BNC2: variants seen among roughly 807,000 people sequenced by gnomAD.
The protein encoded by BNC2 is basonuclin zinc finger protein 2, also known as zinc finger protein basonuclin-2.
In BNC2, 20 loss-of-function variants were observed where a neutral mutation model predicts 76.3. That is an observed-to-expected ratio of 0.26 (90% CI 0.18 to 0.38). The LOEUF (loss-of-function observed/expected upper bound fraction) is 0.38, where lower values mean the gene tolerates loss of function less well. Among genes scored for constraint, BNC2 ranks in the 10% least tolerant of loss-of-function variants. BNC2 has a pLI of 1.00. For synonymous variants in BNC2, 582 were observed against 514.8 expected (o/e 1.13, Z -1.77); for missense variants, 1,382 against 1,399.8 (o/e 0.99, Z 0.20).
At position 16,435,815 on chromosome 9, in the gene BNC2, C is replaced by T. The variant is rs1338919007; in HGVS notation, c.2379G>A (p.Leu793=). ...YDMFYMSQYG[L]YNGGGASMAA... ...CCATGCTGGCACCCCCACCATTGTA[C>T]AGTCCATACTGGCTCATGTAAAACA... The change falls in exon 6 of 7, where the codon CTG becomes CTA. Residue 793 remains leucine, a synonymous_variant. Transcript: ENST00000380672. 1.2e-6 allele frequency: 2 copies of T among 1,614,188 alleles called. No individual in the cohort carries two copies. The highest frequency in any genetic ancestry group is 2.2e-5 in the East Asian group (1 of 44,868).
intron 1 of BNC2, among the ~76,000 whole-genome samples, chr9:16,859,787 G>A (rs919835309): frequency 2.0e-5 from 3 of 152,188 alleles, no homozygotes; most frequent in Non-Finnish European, 2.9e-5. Flanking sequence ...TCTGCTGTAC[G>A]TTAAGTTACA....
intron 3 of BNC2, among the ~76,000 whole-genome samples, chr9:16,613,062 T>A (rs532076813): frequency 6.6e-6 from 1 of 152,146 alleles, no homozygotes. Context: ...ATATGAGTTA[T>A]AGCAAGGAGA....
chr9:16,526,822 A>G (rs1198550479), intron 5 of BNC2, among the ~76,000 whole-genome samples: 1 of 152,206 alleles, frequency 6.6e-6, no homozygotes, highest in Non-Finnish European at 1.5e-5. Context: ...AGCAAACAAC[A>G]CTATGTACCA....
chr9:16,489,064 G>C (rs1199023173), intron 5 of BNC2, among the ~76,000 whole-genome samples: 1 of 152,188 alleles, frequency 6.6e-6, no homozygotes, highest in African/African-American at 2.4e-5. Context: ...GTGATCCACA[G>C]TAGTAATTTT....
intron 5 of BNC2, among the ~76,000 whole-genome samples, chr9:16,550,586 T>G (rs186392244): frequency 9.2e-5 from 14 of 152,330 alleles, no homozygotes; most frequent in African/African-American, 3.4e-4. Flanking sequence ...ACCTGAGCTT[T>G]GTTAAAATGG....
intron 5 of BNC2, among the ~76,000 whole-genome samples, chr9:16,473,670 C>T (rs1448388078): frequency 4.6e-5 from 7 of 151,866 alleles, no homozygotes; most frequent in Non-Finnish European, 7.4e-5. Context: ...GTTAGGAGTT[C>T]GAGACCAGCC....
At chr9:16,429,843 A>AGG in intron 6 of BNC2, 1 of 456,626 alleles carries the variant, frequency 2.2e-6, no homozygotes, top group Non-Finnish European at 4.4e-6. Context: ...CTTGTAGTGG[A>AGG]GGAGTGAAAG....
At chr9:16,684,454 G>C (rs1822916937) in intron 3 of BNC2, among the ~76,000 whole-genome samples, 1 of 152,046 alleles carries the variant, frequency 6.6e-6, no homozygotes, top group African/African-American at 2.4e-5. Flanking sequence ...CCAAGAGCAG[G>C]TGTGCTAGAG....
At chr9:16,729,849 A>T (rs978753862) in intron 2 of BNC2, among the ~76,000 whole-genome samples, 2 of 152,016 alleles carry the variant, frequency 1.3e-5, no homozygotes, top group Admixed American at 1.3e-4. Context: ...TCAGCTCCTG[A>T]CCTTCCCACT....
chr9:16,803,653 C>T (rs981266915), intron 1 of BNC2, among the ~76,000 whole-genome samples: 15 of 152,258 alleles, frequency 9.9e-5, no homozygotes, highest in African/African-American at 3.6e-4. Context: ...CTGTTATGGG[C>T]TACTCAGCCG....
chr9:16,651,164 T>C lies in BNC2; in HGVS notation c.331-68079A>G, dbSNP rs1398957399. Among the ~76,000 whole-genome samples, 3 of 152,194 alleles carry C rather than the reference T, an allele frequency of 2.0e-5. No individual in the cohort carries two copies. In the East Asian group the frequency reaches 5.8e-4, roughly 29 times the overall value. The stretch of plus-strand genomic sequence containing the variant: ...CAGAAACAATGGTCATCTTAAGCTA[T>C]ACTTTCAAAAGAGACCGTTACGATG... On this transcript the variant is annotated intron_variant, in intron 3 of 6. Transcript: ENST00000380672.
intron 1 of BNC2, among the ~76,000 whole-genome samples, chr9:16,856,124 T>C (rs1260743688): frequency 6.6e-6 from 1 of 152,058 alleles, no homozygotes; most frequent in East Asian, 1.9e-4. Flanking sequence ...AAAATGAAAG[T>C]ACATTAATGG....
At chr9:16,486,728 AT>A (rs373023879) in intron 5 of BNC2, among the ~76,000 whole-genome samples, 2,628 of 148,060 alleles carry the variant, frequency 0.018, 74 homozygotes, top group African/African-American at 0.059. Flanking sequence ...TTCACAGACA[AT>A]TTTTTTTTTT....
intron 3 of BNC2, among the ~76,000 whole-genome samples, chr9:16,677,805 A>C (rs72704092): frequency 2.0e-5 from 3 of 152,070 alleles, no homozygotes; most frequent in African/African-American, 7.2e-5. Context: ...GGATAACTCA[A>C]TGAGTATTCT....
Position 16,653,941 on chromosome 9 carries a change from C to T in BNC2, c.331-70856G>A, listed in dbSNP as rs143437908. Among the ~76,000 whole-genome samples, 993 of 152,092 alleles carry T rather than the reference C, an allele frequency of 6.5e-3. 15 individuals are homozygous for T. The highest frequency in any genetic ancestry group is 0.031 in the Middle Eastern group (9 of 292). ...CCTCCCCCACTCCTTCCTCGGCCCC[C>T]CTCCTGCCTGCCCCAGCTCTGTGAT... On this transcript the variant is annotated intron_variant, in intron 3 of 6. Coordinates refer to ENST00000380672, the MANE Select transcript of BNC2 (RefSeq NM_017637.6).
intron 3 of BNC2, among the ~76,000 whole-genome samples, chr9:16,690,426 C>T (rs1823122873): frequency 6.6e-6 from 1 of 152,096 alleles, no homozygotes. Flanking sequence ...CACTGCACTC[C>T]AGGCTGGGTG....
chr9:16,588,460 G>A (rs978772802), intron 3 of BNC2, among the ~76,000 whole-genome samples: 4 of 151,954 alleles, frequency 2.6e-5, no homozygotes, highest in African/African-American at 9.7e-5. Flanking sequence ...GTTCAGAAAC[G>A]TTTATGTGTT....
chr9:16,478,786 A>G (rs1200422436), intron 5 of BNC2, among the ~76,000 whole-genome samples: 1 of 152,190 alleles, frequency 6.6e-6, no homozygotes, highest in Non-Finnish European at 1.5e-5. Context: ...GTCAGTGTGT[A>G]AGAGTACCTC....
intron 4 of BNC2, 60 bp from the exon 5 acceptor site, chr9:16,552,825 G>A (rs1186340076): frequency 8.0e-6 from 11 of 1,369,488 alleles, no homozygotes; most frequent in Non-Finnish European, 1.0e-5. Flanking sequence ...TAAAGAGAGA[G>A]AACAGGAGTT....
Sources: gnomAD v4.1 joint callset for allele counts (sites outside exome capture counted in the v4.1 genomes callset) on GRCh38, gnomAD v4.1.1 for gene constraint, MANE v1.5 for transcripts, NCBI Gene and HGNC (gene_info 2026-07-23, HGNC 2026-07-21) for gene names.